Variants in KCNN2 observed in about 807,000 individuals in gnomAD.
KCNN2 encodes small conductance calcium-activated potassium channel protein 2.
In KCNN2, 24 loss-of-function variants were observed where a neutral mutation model predicts 55.5. The ratio of observed to expected loss-of-function variants is 0.43; its 90% CI spans 0.31 to 0.61. The LOEUF (loss-of-function observed/expected upper bound fraction) is 0.61. KCNN2 is among the 20% of genes least tolerant of loss of function. The probability of loss-of-function intolerance (pLI) is 0.08; values close to 1 mark genes in which losing one functional copy is unlikely to be tolerated. For synonymous variants in KCNN2, 431 were observed against 336.1 expected (o/e 1.28, Z -3.09); for missense variants, 754 against 853.6 (o/e 0.88, Z 1.45).
intron 2 of KCNN2, among the ~76,000 whole-genome samples, chr5:114,383,242 T>C (rs937197112): frequency 6.6e-6 from 1 of 152,178 alleles, no homozygotes; most frequent in African/African-American, 2.4e-5. Flanking sequence ...CCCAACAGTG[T>C]AGTCTGTGTG....
chr5:114,381,604 C>T (rs766293955), intron 2 of KCNN2, among the ~76,000 whole-genome samples: 5 of 152,186 alleles, frequency 3.3e-5, no homozygotes, highest in Non-Finnish European at 7.3e-5. Flanking sequence ...CTACTGTGAT[C>T]GTCCTCTTCT....
chr5:114,325,045 T>C (rs562461780), intron 2 of KCNN2, among the ~76,000 whole-genome samples: 2 of 152,248 alleles, frequency 1.3e-5, no homozygotes, highest in South Asian at 4.2e-4. Context: ...GGAAAGAGGA[T>C]TGTTCATATA....
At position 114,373,640 on chromosome 5, in the gene KCNN2, T is replaced by TTTTATATATATATATATATATATATA. The variant is rs536849367; in HGVS notation, c.1218+9640_1218+9641insTTATATATATATATATATATATATAT. On this transcript the variant is annotated intron_variant, in intron 2 of 7. Coordinates refer to ENST00000673685, the MANE Select transcript of KCNN2 (RefSeq NM_021614.4). ...CTCTCATGGTGTTGTTATGAAGATT[T>TTTTATATATATATATATATATATATA]TATATATATATATATATAAAATTAC... Among the ~76,000 whole-genome samples, 66 of 56,710 alleles carry TTTTATATATATATATATATATATATA rather than the reference T, an allele frequency of 1.2e-3. 8 individuals carry two copies. Among genetic ancestry groups the TTTTATATATATATATATATATATATA allele is most frequent in the African/African-American group, 3.4e-3 (65 of 19,004 alleles). The allele number at this position is 56,710 out of a possible 152,430, so 37.2% of individuals were successfully genotyped here. A position where few individuals can be genotyped will look rare whatever the true frequency, so the allele number is the denominator to read the frequency against.
chr5:114,321,738 C>T (rs1167156689), intron 2 of KCNN2, among the ~76,000 whole-genome samples: 2 of 151,928 alleles, frequency 1.3e-5, no homozygotes, highest in African/African-American at 4.8e-5. Flanking sequence ...GGCATGATCT[C>T]AGCTCACTGC....
intron 2 of KCNN2, among the ~76,000 whole-genome samples, chr5:114,387,607 C>T (rs982503818): frequency 6.6e-6 from 1 of 152,086 alleles, no homozygotes. Flanking sequence ...GCATGTGTTC[C>T]CAGTTGCTAA....
At chr5:114,172,420 T>G (rs899911896) in intron 1 of KCNN2, among the ~76,000 whole-genome samples, 1 of 151,638 alleles carries the variant, frequency 6.6e-6, no homozygotes, top group Non-Finnish European at 1.5e-5. Context: ...CTTACCAACT[T>G]ACGTATTTTC....
At chr5:114,196,134 G>A (rs1753551692) in intron 1 of KCNN2, among the ~76,000 whole-genome samples, 1 of 151,760 alleles carries the variant, frequency 6.6e-6, no homozygotes, top group African/African-American at 2.4e-5. Context: ...CATAGTTTTT[G>A]CCCTCTATTC....
At chr5:114,074,791 T>G (rs910568189) in intron 1 of KCNN2, among the ~76,000 whole-genome samples, 2 of 152,140 alleles carry the variant, frequency 1.3e-5, no homozygotes, top group African/African-American at 4.8e-5. Context: ...TAGTGACAAT[T>G]TAACAATAGA....
At position 114,232,925 on chromosome 5, in the gene KCNN2, GT is replaced by G. The variant is rs10658266; in HGVS notation, c.-185+11373del. On this transcript the variant is annotated intron_variant, in intron 2 of 10. Coordinates refer to the KCNN2 transcript ENST00000512097. Reference sequence around the variant, plus strand: ...GAGGTAATTTTTTATATTGTTTCTTGTTTTTTTTTTTTTGAGACGGAGTCTC... The same window carrying G: ...GAGGTAATTTTTTATATTGTTTCTTGTTTTTTTTTTTTGAGACGGAGTCTC... Among the ~76,000 whole-genome samples, 3 of 76,282 alleles carry G rather than the reference GT, an allele frequency of 3.9e-5. 1 individual carries two copies. Among genetic ancestry groups the G allele is most frequent in the South Asian group, 1.4e-3 (2 of 1,478 alleles). The allele number at this position is 76,282 out of a possible 152,430, so 50.0% of individuals were successfully genotyped here.
intron 2 of KCNN2, among the ~76,000 whole-genome samples, chr5:114,403,489 T>C (rs1277438955): frequency 6.6e-6 from 1 of 152,204 alleles, no homozygotes; most frequent in African/African-American, 2.4e-5. Flanking sequence ...CTCTCAGCAT[T>C]GAAGCATGGC....
chr5:114,454,529 GA>G (rs1760834244), intron 3 of KCNN2, among the ~76,000 whole-genome samples: 1 of 152,102 alleles, frequency 6.6e-6, no homozygotes, highest in Non-Finnish European at 1.5e-5. Context: ...TTTCTCCAGG[GA>G]AAAATATTCT....
intron 2 of KCNN2, among the ~76,000 whole-genome samples, chr5:114,341,758 G>A (rs920701809): frequency 2.6e-5 from 4 of 152,052 alleles, no homozygotes; most frequent in African/African-American, 4.8e-5. Context: ...AAGGTTTCTG[G>A]ACTTTTCTAT....
At chr5:114,157,850 GT>G (rs1390147256) in intron 1 of KCNN2, among the ~76,000 whole-genome samples, 125 of 139,688 alleles carry the variant, frequency 8.9e-4, no homozygotes, top group Middle Eastern at 4.1e-3. Flanking sequence ...TTTTGATGGG[GT>G]TTTTTTTTTT....
chr5:114,122,357 C>A (rs1476967295), intron 1 of KCNN2, among the ~76,000 whole-genome samples: 1 of 152,124 alleles, frequency 6.6e-6, no homozygotes, highest in East Asian at 1.9e-4. Flanking sequence ...ATTCCTCTTC[C>A]TGGACAGGAA....
chr5:114,307,473 T>G (rs1756307267), intron 2 of KCNN2, among the ~76,000 whole-genome samples: 1 of 152,056 alleles, frequency 6.6e-6, no homozygotes, highest in Non-Finnish European at 1.5e-5. Context: ...CCTCTGATGC[T>G]TAAATGCCAC....
At chr5:114,430,372 C>A (rs912436372) in intron 3 of KCNN2, among the ~76,000 whole-genome samples, 4 of 152,016 alleles carry the variant, frequency 2.6e-5, no homozygotes, top group Non-Finnish European at 4.4e-5. Flanking sequence ...TTATTTGCTG[C>A]TAATGTAAAT....
chr5:114,312,535 G>A (rs1012174031), intron 2 of KCNN2, among the ~76,000 whole-genome samples: 3 of 145,902 alleles, frequency 2.1e-5, no homozygotes, highest in African/African-American at 5.1e-5. Flanking sequence ...GAACCCAAGT[G>A]TTGCCCTTTT....
intron 1 of KCNN2, among the ~76,000 whole-genome samples, chr5:114,106,643 G>GGTT (rs1554068841): frequency 1.4e-5 from 1 of 69,932 alleles, no homozygotes; most frequent in Non-Finnish European, 3.1e-5. Context: ...TTTTCCAGTT[G>GGTT]TTTTTTTTTT....
intron 3 of KCNN2, among the ~76,000 whole-genome samples, chr5:114,461,966 G>A (rs1761223009): frequency 6.6e-6 from 1 of 152,160 alleles, no homozygotes; most frequent in South Asian, 2.1e-4. Flanking sequence ...CCCTCTGAGT[G>A]GTATCTGAGA....
Sources: allele counts gnomAD v4.1 joint callset (sites outside exome capture counted in the v4.1 genomes callset), GRCh38; gene constraint gnomAD v4.1.1; transcripts MANE v1.5; gene names NCBI Gene and HGNC (gene_info 2026-07-23, HGNC 2026-07-21).